ATAD3C: variants seen among roughly 807,000 people sequenced by gnomAD.
The protein encoded by ATAD3C is ATPase family AAA domain-containing protein 3C.
In ATAD3C, 38 loss-of-function variants were observed where a neutral mutation model predicts 46.3. The observed-to-expected ratio is 0.82, with a 90% CI of 0.63 to 1.08. The LOEUF is 1.08. Among genes scored for constraint, ATAD3C ranks in the 50% least tolerant of loss-of-function variants. ATAD3C has a pLI of 0.00. For missense variants in ATAD3C, 563 were observed against 572.7 expected, an observed-to-expected ratio of 0.98 and a Z score of 0.17; for synonymous variants, 220 against 236.4, an observed-to-expected ratio of 0.93 and a Z score of 0.63.
Position 1,450,493 on chromosome 1 carries a change from G to T in ATAD3C, c.-191G>T. ...GGCATAAAACCTCACAAATGCATCAGGCCGTGTGCTGGGGATGGGGCATCG... is the reference window on the plus strand; with the variant it reads ...GGCATAAAACCTCACAAATGCATCATGCCGTGTGCTGGGGATGGGGCATCG... On this transcript the variant is annotated 5_prime_UTR_variant, in exon 1 of 12. The change creates a new upstream start codon in the 5' untranslated region. Transcript: ENST00000378785. 1 of 711,584 alleles carries T rather than the reference G, an allele frequency of 1.4e-6. No homozygotes were observed. Among genetic ancestry groups the T allele is most frequent in the Non-Finnish European group, 2.4e-6 (1 of 415,558 alleles). The allele number at this position is 711,584 out of a possible 1,614,324, so 44.1% of individuals were successfully genotyped here.
Position 1,459,395 on chromosome 1 carries a change from C to G in ATAD3C, c.812+164C>G, listed in dbSNP as rs1195552793. Among the ~76,000 whole-genome samples, 1 of 152,088 alleles carries G rather than the reference C, an allele frequency of 6.6e-6. No homozygotes were observed. The highest frequency in any genetic ancestry group is 1.9e-4 in the East Asian group (1 of 5,174). ...CCCCTGGGAACGGCCCAGCTCAGGACAGCACGGGGTGTCACTGAGGAACAT... is the reference window on the plus strand; with the variant it reads ...CCCCTGGGAACGGCCCAGCTCAGGAGAGCACGGGGTGTCACTGAGGAACAT... On this transcript the variant is annotated intron_variant, in intron 9 of 11. Transcript: ENST00000378785. The surrounding 1 kb of genome is among the most constrained non-coding windows in gnomAD (Gnocchi z 4.9).
At chr1:1,463,119 G>A (rs1264128474) in intron 11 of ATAD3C, among the ~76,000 whole-genome samples, 1 of 152,068 alleles carries the variant, frequency 6.6e-6, no homozygotes, top group Non-Finnish European at 1.5e-5. Context: ...CATTGGCTTG[G>A]TCCTGCTTGA....
chr1:1,462,141 T>C lies in ATAD3C; in HGVS notation c.981-459T>C, dbSNP rs1286100360. On this transcript the variant is annotated intron_variant, in intron 10 of 11. Transcript: ENST00000378785. The surrounding 1 kb of genome is among the most constrained non-coding windows in gnomAD (Gnocchi z 4.5). ...TTCCAAAGAGAGCCTGGTTCTCCCC[T>C]GCCGACCCCTCCACTGCCGCCTGCT... Among the ~76,000 whole-genome samples the C allele has an allele frequency of 1.3e-5, 2 of 152,058 alleles. No individual in the cohort carries two copies. Among genetic ancestry groups the C allele is most frequent in the African/African-American group, 4.8e-5 (2 of 41,430 alleles).
chr1:1,451,395 G>A (rs1638856490), intron 1 of ATAD3C, among the ~76,000 whole-genome samples: 1 of 151,386 alleles, frequency 6.6e-6, no homozygotes. Context: ...TGCCCAGGCT[G>A]GAGTGCAATG....
chr1:1,451,673 C>T (rs771387636), intron 1 of ATAD3C, among the ~76,000 whole-genome samples: 1 of 152,050 alleles, frequency 6.6e-6, no homozygotes, highest in South Asian at 2.1e-4. Flanking sequence ...AGCTCACAGG[C>T]GGGGTTCACG....
rs370649895 is a variant in ATAD3C at position 1,455,851 on chromosome 1, C to A, written c.499C>A (p.Arg167=). The change falls in exon 6 of 12, where the codon CGG becomes AGG. Residue 167 remains arginine, a synonymous_variant. Coordinates refer to ENST00000378785, the MANE Select transcript of ATAD3C (RefSeq NM_001039211.3). ...AIMTRNIKKN[R]GLYRHILLYG... ...AATGACAAGGAACATCAAGAAGAAC[C>A]GGGGCCTGTACAGGCACATCCTGCT... The A allele has an allele frequency of 6.2e-7, 1 of 1,613,478 alleles. No homozygotes were observed. The highest frequency in any genetic ancestry group is 1.7e-5 in the Admixed American group (1 of 59,984).
In ATAD3C at chr1:1,460,092, A is replaced by T. The variant is rs1309586905; in HGVS notation, c.813-658A>T. Among the ~76,000 whole-genome samples the T allele has an allele frequency of 1.5e-4, 19 of 124,440 alleles. No individual in the cohort carries two copies. The South Asian group carries it at 3.2e-3, about 21-fold the overall frequency. 81.6% of individuals were successfully genotyped at this position (124,440 alleles called of 152,430 possible). A position where few individuals can be genotyped will look rare whatever the true frequency, so the allele number is the denominator to read the frequency against. On this transcript the variant is annotated intron_variant, in intron 9 of 11. Transcript: ENST00000378785. ...GTATTTTTTTTTTTTTTTTTTTGAG[A>T]TGGAGTTTTTGCTTTTTCTGCCCAG...
chr1:1,464,681 G>T (rs577475926), intron 11 of ATAD3C, among the ~76,000 whole-genome samples: 3 of 151,822 alleles, frequency 2.0e-5, no homozygotes, highest in Non-Finnish European at 4.4e-5. Context: ...TGAGGCATGA[G>T]AATCACTTGA....
chr1:1,463,122 C>T (rs1259815981), intron 11 of ATAD3C, among the ~76,000 whole-genome samples: 1 of 152,062 alleles, frequency 6.6e-6, no homozygotes, highest in African/African-American at 2.4e-5. Context: ...TGGCTTGGTC[C>T]TGCTTGACGG....
Position 1,449,810 on chromosome 1 carries a change from A to T in ATAD3C, c.-874A>T, listed in dbSNP as rs1638823387. Reference sequence around the variant, plus strand: ...TCATCCCGGAAAATGTTGAGACCTGATGCTGAGTCCTCAGCAGCTCAGAGA... The same window carrying T: ...TCATCCCGGAAAATGTTGAGACCTGTTGCTGAGTCCTCAGCAGCTCAGAGA... On this transcript the variant is annotated 5_prime_UTR_variant, in exon 1 of 12. It removes an upstream start codon present in the reference 5' UTR. Transcript: ENST00000378785. The T allele has an allele frequency of 6.6e-6, 1 of 151,986 alleles. No individual in the cohort carries two copies. Among genetic ancestry groups the T allele is most frequent in the East Asian group, 1.9e-4 (1 of 5,196 alleles). 9.4% of individuals were successfully genotyped at this position (151,986 alleles called of 1,614,324 possible).
chr1:1,467,860 G>A (rs1484662012), intron 11 of ATAD3C, among the ~76,000 whole-genome samples: 2 of 152,214 alleles, frequency 1.3e-5, no homozygotes, highest in Non-Finnish European at 2.9e-5. Flanking sequence ...CACAGCCCCA[G>A]CAGCTCCAGC....
chr1:1,453,968 G>A (rs1010831576), intron 3 of ATAD3C, among the ~76,000 whole-genome samples: 1 of 152,028 alleles, frequency 6.6e-6, no homozygotes, highest in African/African-American at 2.4e-5. Context: ...AAACGAGTTA[G>A]AGATTTTGGG....
At chr1:1,464,213 A>G (rs1639112960) in intron 11 of ATAD3C, among the ~76,000 whole-genome samples, 1 of 151,434 alleles carries the variant, frequency 6.6e-6, no homozygotes, top group African/African-American at 2.4e-5. Flanking sequence ...TCAAAAAAAA[A>G]AAAAAAAAGA....
rs1228026253 is a variant in ATAD3C at position 1,450,139 on chromosome 1, T to A, written c.-545T>A. 3 of 153,336 alleles carry A rather than the reference T, an allele frequency of 2.0e-5. No individual in the cohort carries two copies. Among genetic ancestry groups the A allele is most frequent in the Non-Finnish European group, 4.3e-5 (3 of 69,024 alleles). The allele number at this position is 153,336 out of a possible 1,614,324, so 9.5% of individuals were successfully genotyped here. A position where few individuals can be genotyped will look rare whatever the true frequency, so the allele number is the denominator to read the frequency against. On this transcript the variant is annotated 5_prime_UTR_variant, in exon 1 of 12. Transcript: ENST00000378785. Reference sequence around the variant, plus strand: ...GTCAGGAGATCGAGACCATCCTGGCTAACACGGTGAAACCGTCTCTACTAA... The same window carrying A: ...GTCAGGAGATCGAGACCATCCTGGCAAACACGGTGAAACCGTCTCTACTAA...
chr1:1,458,568 C>A (rs938079095), intron 8 of ATAD3C, among the ~76,000 whole-genome samples: 3 of 151,864 alleles, frequency 2.0e-5, no homozygotes, highest in African/African-American at 7.3e-5. Context: ...GCGTGAGCCA[C>A]CGCGCCAGGC....
Position 1,452,183 on chromosome 1 carries a change from G to A in ATAD3C, c.152+61G>A. On this transcript the variant is annotated intron_variant, in intron 2 of 11. Transcript: ENST00000378785. ...GAGCCCCCACAGGTGTGAGTCGCTG[G>A]TCCCAGGGTGCTCTCCAGCTCTCCC... is the stretch of plus-strand genomic sequence containing the variant. 9 of 1,598,010 alleles carry A rather than the reference G, an allele frequency of 5.6e-6. 1 individual carries two copies. In the South Asian group the frequency reaches 1.0e-4, roughly 18 times the overall value.
In ATAD3C at chr1:1,462,618, G is replaced by C; in HGVS notation, c.999G>C (p.Gln333His). Residue 333 changes from glutamine to histidine, a missense_variant, in exon 11 of 12, where the codon CAG (glutamine) becomes CAC (histidine). Transcript: ENST00000378785. This position sits in a 1 kb window ranked among gnomAD's most constrained non-coding sequence, Gnocchi z 4.5. The stretch of plus-strand genomic sequence containing the variant: ...TCCCCAGGCGTCTGAAGCTGGCCCA[G>C]TTTGACTACGGGAGGAAGTGCTTAG... ...TEGKRRLKLA[Q>H]FDYGRKCLEI... 6.2e-7 allele frequency: 1 copy of C among 1,602,022 alleles called. No individual in the cohort carries two copies. Among genetic ancestry groups the C allele is most frequent in the East Asian group, 2.2e-5 (1 of 44,580 alleles).
At chr1:1,452,513 C>A (rs930925740) in intron 3 of ATAD3C, 79 bp downstream of exon 3, 5 of 1,603,282 alleles carry the variant, frequency 3.1e-6, no homozygotes, top group Non-Finnish European at 4.3e-6. Context: ...CAGGTCCTAT[C>A]CCTGCTGGCT....
At chr1:1,457,621 A>AAAC (rs1557778691) in intron 8 of ATAD3C, among the ~76,000 whole-genome samples, 8 of 150,684 alleles carry the variant, frequency 5.3e-5, no homozygotes, top group African/African-American at 2.0e-4. Flanking sequence ...AAAACAAAAA[A>AAAC]AACAGCATTT....
Sources: allele counts gnomAD v4.1 joint callset (sites outside exome capture counted in the v4.1 genomes callset), GRCh38; gene constraint gnomAD v4.1.1; non-coding constraint Gnocchi (gnomAD v3.1); transcripts MANE v1.5; gene names NCBI Gene and HGNC (gene_info 2026-07-23, HGNC 2026-07-21).